KCNK7: variants seen among roughly 807,000 people sequenced by gnomAD.
KCNK7 encodes potassium two pore domain channel subfamily K member 7, also known as potassium channel subfamily K member 7.
Under a neutral mutation model 18.1 loss-of-function variants are expected in KCNK7, and 14 were observed. The ratio of observed to expected loss-of-function variants is 0.77; its 90% CI spans 0.51 to 1.21. The LOEUF (loss-of-function observed/expected upper bound fraction) is 1.21. Ranked by LOEUF, KCNK7 falls within the 50% of genes most tolerant of loss-of-function variation. The pLI is 0.00. For missense variants in KCNK7, 385 were observed against 387.3 expected, an observed-to-expected ratio of 0.99 and a Z score of 0.05; for synonymous variants, 188 against 184.7, an observed-to-expected ratio of 1.02 and a Z score of -0.15.
Position 65,595,649 on chromosome 11 carries a change from C to G in KCNK7, c.124G>C (p.Glu42Gln), listed in dbSNP as rs1299485340. ...AAGGCTGCCAGCTCTGCCCTGAGCT[C>G]AGCCTGAAGCCTGCATGCAGGAGGC... Reference protein sequence around the residue: ...EGPPACRLQAELRAELAAFQA... With the variant: ...EGPPACRLQAQLRAELAAFQA... The change falls in exon 1 of 3, where the codon GAG becomes CAG. Residue 42 changes from glutamate to glutamine, a missense_variant. Transcript: ENST00000340313. The G allele has an allele frequency of 4.4e-6, 7 of 1,605,228 alleles. No homozygotes were observed. In the Admixed American group the frequency reaches 1.2e-4, roughly 27 times the overall value.
At chr11:65,594,988 T>G (rs1209029432) in intron 1 of KCNK7, among the ~76,000 whole-genome samples, 1 of 152,226 alleles carries the variant, frequency 6.6e-6, no homozygotes. Context: ...CCTGGGCCTG[T>G]GCCCACGCGA....
At chr11:65,594,997 G>A (rs575423433) in intron 1 of KCNK7, among the ~76,000 whole-genome samples, 3 of 152,270 alleles carry the variant, frequency 2.0e-5, no homozygotes, top group Middle Eastern at 3.4e-3. Flanking sequence ...GTGCCCACGC[G>A]ATTTCTCTGC....
chr11:65,593,621 C>A lies in KCNK7; in HGVS notation c.573G>T (p.Trp191Cys). 6.2e-7 allele frequency: 1 copy of A among 1,605,078 alleles called. No homozygotes were observed. Among genetic ancestry groups the A allele is most frequent in the South Asian group, 1.1e-5 (1 of 91,044 alleles). Residue 191 changes from tryptophan to cysteine, a missense_variant, in exon 2 of 3, where the codon TGG (tryptophan) becomes TGT (cysteine). Trp to Cys is a radical substitution (Grantham distance 215). Transcript: ENST00000340313. ...GCAGGCTGCAGTCGCCCTGAAGGCC[C>A]CACAGCACCAGCGCTGGCAGCAGCA... ...SFVLLPALVLWGLQGDCSLLG... is the reference protein window; with the variant it reads ...SFVLLPALVLCGLQGDCSLLG...
chr11:65,593,159 GAGA>G lies in KCNK7; in HGVS notation c.767_769del (p.Phe256del). The G allele has an allele frequency of 1.9e-6, 3 of 1,613,718 alleles. No individual in the cohort carries two copies. In the South Asian group the frequency reaches 3.3e-5, roughly 18 times the overall value. Reference sequence around the variant, plus strand: ...CATGGCACGGACCTGCGGCAGCTCAGAGAAGGTCTCCACTGCCAGCAGCATGGC... The same window carrying G: ...CATGGCACGGACCTGCGGCAGCTCAGAGGTCTCCACTGCCAGCAGCATGGC... On this transcript the variant is annotated inframe_deletion, in exon 3 of 3. Coordinates refer to ENST00000340313, the MANE Select transcript of KCNK7 (RefSeq NM_033347.2).
Position 65,593,156 on chromosome 11 carries a change from T to C in KCNK7, c.773A>G (p.Glu258Gly), listed in dbSNP as rs201421691. Reference sequence around the variant, plus strand: ...CCCCATGGCACGGACCTGCGGCAGCTCAGAGAAGGTCTCCACTGCCAGCAG... The same window carrying C: ...CCCCATGGCACGGACCTGCGGCAGCCCAGAGAAGGTCTCCACTGCCAGCAG... ...AMLLAVETFS[E>G]LPQVRAMGKF... The change falls in exon 3 of 3, where the codon GAG (glutamate) becomes GGG (glycine). Residue 258 changes from glutamate to glycine, a missense_variant. Coordinates refer to ENST00000340313, the MANE Select transcript of KCNK7 (RefSeq NM_033347.2). 1.9e-6 allele frequency: 3 copies of C among 1,613,628 alleles called. No homozygotes were observed. The highest frequency in any genetic ancestry group is 1.6e-4 in the Middle Eastern group (1 of 6,062).
At chr11:65,595,328 C>G (rs1457370692) in intron 1 of KCNK7, 126 bp downstream of exon 1, 1 of 832,192 alleles carries the variant, frequency 1.2e-6, no homozygotes, top group Non-Finnish European at 1.7e-6. Context: ...GATGTCAGGC[C>G]TCACAGGGCC....
Position 65,593,611 on chromosome 11 carries a change from CCTGAAGGCCCCACAGCACCAGCGCTGG to C in KCNK7, c.556_582del (p.Pro186_Gln194del). On this transcript the variant is annotated inframe_deletion, in exon 2 of 3. Coordinates refer to ENST00000340313, the MANE Select transcript of KCNK7 (RefSeq NM_033347.2). ...ACGGCCCCCAGCAGGCTGCAGTCGC[CCTGAAGGCCCCACAGCACCAGCGCTGG>C]CAGCAGCACAAAGCTGCTGGCCACC... The C allele has an allele frequency of 6.2e-7, 1 of 1,605,188 alleles. No homozygotes were observed. The highest frequency in any genetic ancestry group is 1.7e-5 in the Admixed American group (1 of 59,990).
In KCNK7 at chr11:65,595,718, G is replaced by T; in HGVS notation, c.55C>A (p.Leu19Met). ...ACCACAGCCCCAAGCCCCAGGGCCA[G>T]CAAGTGGGCCACAACCAGGAGCCCG... ...RYGLLVVAHLLALGLGAVVFQ... is the reference protein window; with the variant it reads ...RYGLLVVAHLMALGLGAVVFQ... The change falls in exon 1 of 3, where the codon CTG (leucine) becomes ATG (methionine). Residue 19 changes from leucine (L) to methionine (M), a missense_variant. Leu to Met is a conservative substitution (Grantham distance 15). Transcript: ENST00000340313. 2 of 1,588,916 alleles carry T rather than the reference G, an allele frequency of 1.3e-6. No homozygotes were observed. The highest frequency in any genetic ancestry group is 1.7e-6 in the Non-Finnish European group (2 of 1,164,318).
Position 65,593,190 on chromosome 11 carries a change from A to G in KCNK7, c.739T>C (p.Leu247=), listed in dbSNP as rs139706740. Residue 247 remains leucine (L), a synonymous_variant, in exon 3 of 3, where the codon TTG becomes CTG. Transcript: ENST00000340313. ...ALLGYLLLGL[L]AMLLAVETFS... is the part of the protein sequence containing the mutation. The stretch of plus-strand genomic sequence containing the variant: ...GTCTCCACTGCCAGCAGCATGGCCA[A>G]GAGTCCTAGAAGCAAGTAACCTGGG... 25 of 1,613,356 alleles carry G rather than the reference A, an allele frequency of 1.5e-5. No homozygotes were observed. The African/African-American group carries it at 2.9e-4, about 19-fold the overall frequency.
Position 65,593,025 on chromosome 11 carries a change from CT to C in KCNK7, c.903del (p.Gly302AspfsTer?). On this transcript the variant is annotated frameshift_variant, in exon 3 of 3. Transcript: ENST00000340313. LOFTEE classifies it high-confidence loss of function. ...ACGCTTCAGCAAGCAGGGGCTTGTC[CT>C]GAAGCTGGGGCCGCGGGCGGCAGGG... is the stretch of plus-strand genomic sequence containing the variant. Reference protein sequence around the residue: ...LSTLPPAAPASGQAPAC With the variant: ...LSTLPPAAPAXGQAPAC 6.2e-7 allele frequency: 1 copy of C among 1,613,348 alleles called. No individual in the cohort carries two copies. Among genetic ancestry groups the C allele is most frequent in the Non-Finnish European group, 8.5e-7 (1 of 1,179,936 alleles).
intron 1 of KCNK7, 44 bp from the exon 2 acceptor site, chr11:65,593,918 A>G (rs1343304366): frequency 3.3e-6 from 5 of 1,497,058 alleles, no homozygotes; most frequent in African/African-American, 2.8e-5. Flanking sequence ...TCTGAGTGCC[A>G]TGTCTGCTGG....
rs370897200 is a variant in KCNK7, at chr11:65,594,912, T to C, written c.319+542A>G. ...GAAATACAAATTCCAATTCAAAAAA[T>C]ACTGAGACACTTTGTGGGGCAAAAA... On this transcript the variant is annotated intron_variant, in intron 1 of 2. Coordinates refer to ENST00000340313, the MANE Select transcript of KCNK7 (RefSeq NM_033347.2). 1.1e-3 allele frequency among the ~76,000 whole-genome samples: 166 copies of C among 151,788 alleles called. 4 individuals carry two copies. In the South Asian group the frequency reaches 0.033, roughly 30 times the overall value.
Position 65,592,988 on chromosome 11 carries a change from C to T in KCNK7, c.*17G>A, listed in dbSNP as rs1378858465. The T allele has an allele frequency of 6.2e-7, 1 of 1,610,028 alleles. No homozygotes were observed. The highest frequency in any genetic ancestry group is 8.5e-7 in the Non-Finnish European group (1 of 1,178,758). On this transcript the variant is annotated 3_prime_UTR_variant, in exon 3 of 3. Coordinates refer to ENST00000340313, the MANE Select transcript of KCNK7 (RefSeq NM_033347.2). ...GGTGCCGCCACCTTACGGAGCTGAA[C>T]TCGGTCACCTGACGCTTCAGCAAGC...
intron 1 of KCNK7, among the ~76,000 whole-genome samples, chr11:65,594,705 A>G (rs1334655524): frequency 6.6e-6 from 1 of 152,092 alleles, no homozygotes; most frequent in Non-Finnish European, 1.5e-5. Flanking sequence ...CCCCGTCTCT[A>G]CTAAAAACAC....
rs1858427567 is a variant in KCNK7, at chr11:65,592,914, G to GCTC, written c.*88_*90dup. On this transcript the variant is annotated 3_prime_UTR_variant, in exon 3 of 3. Transcript: ENST00000340313. ...AGGCCTCCCGCCCACCCTCACCGCG[G>GCTC]CTCCATCTCCAGATTCTTCCCCAGC... 3.4e-6 allele frequency: 5 copies of GCTC among 1,458,550 alleles called. No homozygotes were observed. The highest frequency in any genetic ancestry group is 3.7e-6 in the Non-Finnish European group (4 of 1,090,492). 90.4% of individuals were successfully genotyped at this position (1,458,550 alleles called of 1,614,324 possible). A position where few individuals can be genotyped will look rare whatever the true frequency, so the allele number is the denominator to read the frequency against.
rs1481590084 is a variant in KCNK7, at chr11:65,593,449, C to G, written c.718+27G>C. On this transcript the variant is annotated intron_variant, in intron 2 of 2. Coordinates refer to ENST00000340313, the MANE Select transcript of KCNK7 (RefSeq NM_033347.2). The stretch of plus-strand genomic sequence containing the variant: ...TCCAGGCTCCTCTTCCCCCTTCCCC[C>G]ACACGCTGTTAGGTGGCTGGACTTA... The G allele has an allele frequency of 4.3e-6, 7 of 1,613,830 alleles. No homozygotes were observed. In the Admixed American group the frequency reaches 1.0e-4, roughly 23 times the overall value.
At chr11:65,594,358 T>C (rs1590848727) in intron 1 of KCNK7, among the ~76,000 whole-genome samples, 1 of 150,574 alleles carries the variant, frequency 6.6e-6, no homozygotes, top group South Asian at 2.1e-4. Context: ...GGGGTGGGAG[T>C]GCGGGGTGTG....
intron 2 of KCNK7, 21 bp downstream of exon 2, chr11:65,593,455 C>G: frequency 6.2e-7 from 1 of 1,613,820 alleles, no homozygotes; most frequent in East Asian, 2.2e-5. Flanking sequence ...CCCCCACACG[C>G]TGTTAGGTGG....
At position 65,595,491 on chromosome 11, in the gene KCNK7, T is replaced by G. The variant is rs1443057648; in HGVS notation, c.282A>C (p.Ser94=). ...GGATGCTGGCAGCGAAGAGCAGGGC[T>G]GAGGGAAGGTCCCAGGTCCTGCCCT... ...SSEGRTWDLP[S]ALLFAASILT... Residue 94 remains serine (S), a synonymous_variant, in exon 1 of 3, where the codon TCA becomes TCC. Transcript: ENST00000340313. 1.3e-6 allele frequency: 2 copies of G among 1,489,870 alleles called. No homozygotes were observed. Among genetic ancestry groups the G allele is most frequent in the Non-Finnish European group, 1.8e-6 (2 of 1,108,578 alleles). The allele number at this position is 1,489,870 out of a possible 1,614,324, so 92.3% of individuals were successfully genotyped here.
Sources: gnomAD v4.1 joint callset for allele counts (sites outside exome capture counted in the v4.1 genomes callset) on GRCh38, gnomAD v4.1.1 for gene constraint, MANE v1.5 for transcripts, NCBI Gene and HGNC (gene_info 2026-07-23, HGNC 2026-07-21) for gene names.